Variants in SNTG1 observed in about 807,000 individuals in gnomAD.
The protein encoded by SNTG1 is syntrophin gamma 1.
In SNTG1, 39 loss-of-function variants were observed where a neutral mutation model predicts 74.7. That is an observed-to-expected ratio of 0.52 (90% CI 0.40 to 0.68). SNTG1 has a LOEUF of 0.68. Ranked by LOEUF, SNTG1 falls within the 30% of genes least tolerant of loss-of-function variation. The pLI is 0.00. For missense variants in SNTG1, 685 were observed against 609.5 expected (o/e 1.12, Z -1.30); for synonymous variants, 254 against 217.1 (o/e 1.17, Z -1.49).
chr8:50,485,815 A>C (rs1366614228), intron 8 of SNTG1, among the ~76,000 whole-genome samples: 4 of 149,880 alleles, frequency 2.7e-5, no homozygotes, highest in African/African-American at 9.8e-5. Flanking sequence ...TCTAACGTTT[A>C]AGTCTTTAAT....
chr8:50,678,670 T>C (rs1298314694), intron 15 of SNTG1, among the ~76,000 whole-genome samples: 2 of 152,280 alleles, frequency 1.3e-5, no homozygotes, highest in East Asian at 3.9e-4. Flanking sequence ...CAGCCAAACT[T>C]TATCTGAAAT....
chr8:50,466,249 A>C (rs1471489397), intron 8 of SNTG1, among the ~76,000 whole-genome samples: 2 of 152,098 alleles, frequency 1.3e-5, no homozygotes, highest in East Asian at 3.9e-4. Context: ...ATTTAATTTA[A>C]TTTTTATTTT....
chr8:50,017,725 T>A (rs1298119884), intron 1 of SNTG1, among the ~76,000 whole-genome samples: 1 of 151,922 alleles, frequency 6.6e-6, no homozygotes, highest in Non-Finnish European at 1.5e-5. Flanking sequence ...TATAAACATA[T>A]ATGCACCTAC....
chr8:50,736,036 A>G (rs2095527793), intron 17 of SNTG1, among the ~76,000 whole-genome samples: 1 of 152,088 alleles, frequency 6.6e-6, no homozygotes. Context: ...TCATACCCAA[A>G]GGAGAAATAA....
At position 50,593,634 on chromosome 8, in the gene SNTG1, T is replaced by C. The variant is rs147480357; in HGVS notation, c.849+2717T>C. 7.9e-3 allele frequency among the ~76,000 whole-genome samples: 1,208 copies of C among 152,214 alleles called. 14 individuals carry two copies. The highest frequency in any genetic ancestry group is 0.027 in the African/African-American group (1,102 of 41,540). On this transcript the variant is annotated intron_variant, in intron 13 of 18. Transcript: ENST00000642720. ...ATTAGTGTATCTCCTACTTCACTTT[T>C]CATGAGGAGTAAGTTTTCCATTTTT... is the stretch of plus-strand genomic sequence containing the variant.
chr8:50,093,405 C>T (rs1392162039), intron 1 of SNTG1, among the ~76,000 whole-genome samples: 2 of 152,048 alleles, frequency 1.3e-5, no homozygotes, highest in South Asian at 4.1e-4. Context: ...ATATATTTAT[C>T]ACACAGACCA....
chr8:50,362,476 C>T (rs1396950898), intron 2 of SNTG1, among the ~76,000 whole-genome samples: 14 of 151,900 alleles, frequency 9.2e-5, no homozygotes, highest in Admixed American at 9.2e-4. Context: ...AGTTGATTTT[C>T]CTCTCATCCA....
At chr8:50,328,686 G>A (rs2090847538) in intron 2 of SNTG1, among the ~76,000 whole-genome samples, 3 of 152,242 alleles carry the variant, frequency 2.0e-5, no homozygotes, top group Admixed American at 6.5e-5. Context: ...TCCTTCCCTA[G>A]ATGTGTGGAT....
At chr8:50,066,671 G>A (rs556020173) in intron 1 of SNTG1, among the ~76,000 whole-genome samples, 85 of 152,228 alleles carry the variant, frequency 5.6e-4, no homozygotes, top group African/African-American at 1.9e-3. Context: ...GTTCCATGTT[G>A]TAAATCTGCA....
At chr8:49,945,670 A>C (rs1809115128) in intron 1 of SNTG1, among the ~76,000 whole-genome samples, 1 of 152,190 alleles carries the variant, frequency 6.6e-6, no homozygotes, top group African/African-American at 2.4e-5. Context: ...AAGGGGCAGC[A>C]GTTGTGAGTG....
intron 8 of SNTG1, among the ~76,000 whole-genome samples, chr8:50,464,899 T>C (rs1296345971): frequency 1.3e-5 from 2 of 151,592 alleles, no homozygotes; most frequent in African/African-American, 2.4e-5. Flanking sequence ...GTCAAAATAT[T>C]GTGAAAATTA....
chr8:50,503,621 T>C (rs1473072947), intron 9 of SNTG1, among the ~76,000 whole-genome samples: 1 of 152,206 alleles, frequency 6.6e-6, no homozygotes, highest in Non-Finnish European at 1.5e-5. Flanking sequence ...GGAATTATAC[T>C]TAATTTTTTA....
chr8:49,948,634 G>A lies in SNTG1; in HGVS notation c.-103+36403G>A, dbSNP rs559750787. The stretch of plus-strand genomic sequence containing the variant: ...GAATGTTGTACTCGAATCTTCTTAA[G>A]TACTCTTGTTATTTTCTTTGGTGCA... On this transcript the variant is annotated intron_variant, in intron 1 of 18. Transcript: ENST00000642720. Among the ~76,000 whole-genome samples, 4 of 152,260 alleles carry A rather than the reference G, an allele frequency of 2.6e-5. No individual in the cohort carries two copies. In the East Asian group the frequency reaches 7.7e-4, roughly 29 times the overall value.
At chr8:50,109,328 A>G (rs1194056950) in intron 1 of SNTG1, among the ~76,000 whole-genome samples, 1 of 152,178 alleles carries the variant, frequency 6.6e-6, no homozygotes, top group Non-Finnish European at 1.5e-5. Flanking sequence ...TTTTTAGCAG[A>G]TGCAATTCAT....
chr8:50,662,308 C>G (rs1334666515), intron 15 of SNTG1, among the ~76,000 whole-genome samples: 2 of 152,172 alleles, frequency 1.3e-5, no homozygotes, highest in African/African-American at 2.4e-5. Flanking sequence ...TCAGGAAAAT[C>G]CTGTCCCTTC....
intron 15 of SNTG1, among the ~76,000 whole-genome samples, chr8:50,679,333 C>T (rs1273964417): frequency 6.6e-6 from 1 of 152,040 alleles, no homozygotes; most frequent in Non-Finnish European, 1.5e-5. Flanking sequence ...ATGAACTAGC[C>T]TGATGTTACC....
At chr8:50,578,412 G>T (rs2094588891) in intron 12 of SNTG1, among the ~76,000 whole-genome samples, 1 of 53,240 alleles carries the variant, frequency 1.9e-5, no homozygotes, top group Admixed American at 2.0e-4. Flanking sequence ...AAAGTGAGAG[G>T]ATGAGAGAGA....
At chr8:50,070,323 A>G (rs964878316) in intron 1 of SNTG1, among the ~76,000 whole-genome samples, 2 of 152,172 alleles carry the variant, frequency 1.3e-5, no homozygotes, top group African/African-American at 4.8e-5. Flanking sequence ...CCATAATTTA[A>G]AAAAATAGCT....
At chr8:50,333,335 T>G (rs548565253) in intron 2 of SNTG1, among the ~76,000 whole-genome samples, 1 of 152,362 alleles carries the variant, frequency 6.6e-6, no homozygotes, top group Admixed American at 6.5e-5. Flanking sequence ...ACATATTGAA[T>G]GTTTAAGTGT....
Sources: gnomAD v4.1 joint callset for allele counts (sites outside exome capture counted in the v4.1 genomes callset) on GRCh38, gnomAD v4.1.1 for gene constraint, MANE v1.5 for transcripts, NCBI Gene and HGNC (gene_info 2026-07-23, HGNC 2026-07-21) for gene names.